The following GPATCH2L variants were observed in gnomAD, a reference collection of about 807,000 sequenced individuals.
GPATCH2L encodes the protein G-patch domain containing 2 like.
Under a neutral mutation model 57.4 loss-of-function variants are expected in GPATCH2L, and 31 were observed. The observed-to-expected ratio is 0.54, with a 90% confidence interval of 0.41 to 0.73. The LOEUF is 0.73. Ranked by LOEUF, GPATCH2L falls within the 30% of genes least tolerant of loss-of-function variation. The probability of loss-of-function intolerance (pLI) is 0.00; values close to 1 mark genes in which losing one functional copy is unlikely to be tolerated. For synonymous variants in GPATCH2L, 199 were observed against 210.7 expected, an observed-to-expected ratio of 0.94 and a Z score of 0.48; for missense variants, 481 against 599.9, an observed-to-expected ratio of 0.80 and a Z score of 2.07.
intron 9 of GPATCH2L, chr14:76,196,689 G>C (rs983890521): frequency 1.3e-5 from 2 of 152,024 alleles, no homozygotes; most frequent in Admixed American, 1.3e-4. Flanking sequence ...GGAGAGTTAT[G>C]TATTTATTAA....
At chr14:76,163,623 C>A (rs2038698680) in intron 2 of GPATCH2L, among the ~76,000 whole-genome samples, 1 of 152,196 alleles carries the variant, frequency 6.6e-6, no homozygotes, top group Non-Finnish European at 1.5e-5. Flanking sequence ...TATTTAGACA[C>A]AGACTTGGTA....
intron 2 of GPATCH2L, among the ~76,000 whole-genome samples, chr14:76,158,547 CT>C (rs1306459336): frequency 2.6e-5 from 4 of 152,292 alleles, no homozygotes; most frequent in African/African-American, 7.2e-5. Context: ...ATCAATAACA[CT>C]CTATAGCAGT....
intron 9 of GPATCH2L, 45 bp from the exon 10 acceptor site, chr14:76,201,646 T>C (rs766146783): frequency 6.9e-7 from 1 of 1,445,180 alleles, no homozygotes; most frequent in Non-Finnish European, 9.3e-7. Flanking sequence ...TATTCTAATT[T>C]ATCTCCCCTT....
In GPATCH2L at chr14:76,171,919, G is replaced by T; in HGVS notation, c.804G>T (p.Lys268Asn). Reference protein sequence around the residue: ...PGFTVPNLLPKWAPDHCSEVE... With the variant: ...PGFTVPNLLPNWAPDHCSEVE... ...TCACTGTCCCTAATCTTCTGCCCAA[G>T]TGGGCTCCTGATCATTGTTCTGAAG... The change falls in exon 4 of 10, where the codon AAG becomes AAT. Residue 268 changes from lysine to asparagine, a missense_variant. Lys to Asn is a moderately conservative substitution (Grantham distance 94). Transcript: ENST00000261530. The T allele has an allele frequency of 1.2e-6, 2 of 1,607,698 alleles. No individual in the cohort carries two copies. Among genetic ancestry groups the T allele is most frequent in the Non-Finnish European group, 1.7e-6 (2 of 1,174,528 alleles).
chr14:76,177,369 T>C (rs2039372949), intron 6 of GPATCH2L, among the ~76,000 whole-genome samples: 1 of 152,060 alleles, frequency 6.6e-6, no homozygotes, highest in South Asian at 2.1e-4. Context: ...TTTGTTCTAA[T>C]TACTGTGGTG....
intron 6 of GPATCH2L, among the ~76,000 whole-genome samples, chr14:76,177,379 G>A (rs1483262450): frequency 6.6e-6 from 1 of 151,972 alleles, no homozygotes; most frequent in Non-Finnish European, 1.5e-5. Context: ...TTACTGTGGT[G>A]AGTGCTGTAG....
intron 9 of GPATCH2L, among the ~76,000 whole-genome samples, chr14:76,201,015 G>T (rs930901460): frequency 2.6e-5 from 4 of 152,238 alleles, no homozygotes; most frequent in Admixed American, 1.3e-4. Flanking sequence ...GATCCAGATC[G>T]GTAAGTGTTC....
At position 76,195,913 on chromosome 14, in the gene GPATCH2L, G is replaced by C; in HGVS notation, c.1229G>C (p.Arg410Pro). 1 of 1,613,784 alleles carries C rather than the reference G, an allele frequency of 6.2e-7. No homozygotes were observed. The highest frequency in any genetic ancestry group is 2.2e-5 in the East Asian group (1 of 44,876). Residue 410 changes from arginine to proline, a missense_variant, in exon 9 of 10, where the codon CGT becomes CCT. This residue lies in a region of GPATCH2L where 248 missense variants were observed against 270.5 expected (regional missense o/e 0.92). Transcript: ENST00000261530. ...ANVHWGPPCS[R>P]DIKRKRKPVA... ...GTACACTGGGGACCACCATGTTCAC[G>C]TGACATCAAGAGGAAGCGGAAACCA...
At chr14:76,161,984 C>T (rs964673697) in intron 2 of GPATCH2L, among the ~76,000 whole-genome samples, 3 of 152,024 alleles carry the variant, frequency 2.0e-5, no homozygotes, top group Non-Finnish European at 4.4e-5. Flanking sequence ...TGCAGTGAGC[C>T]GAGATCGCGT....
At chr14:76,200,908 G>T (rs1395881606) in intron 9 of GPATCH2L, among the ~76,000 whole-genome samples, 1 of 152,158 alleles carries the variant, frequency 6.6e-6, no homozygotes, top group African/African-American at 2.4e-5. Context: ...AGAGATGATG[G>T]TGGTTTGTGC....
intron 8 of GPATCH2L, among the ~76,000 whole-genome samples, chr14:76,190,675 C>A (rs2039932436): frequency 6.6e-6 from 1 of 152,044 alleles, no homozygotes; most frequent in Non-Finnish European, 1.5e-5. Context: ...ATACTTAGAT[C>A]TCTATTATTG....
At position 76,201,681 on chromosome 14, in the gene GPATCH2L, A is replaced by T. The variant is rs770653986; in HGVS notation, c.1289-10A>T. 6.3e-7 allele frequency: 1 copy of T among 1,598,390 alleles called. No homozygotes were observed. The highest frequency in any genetic ancestry group is 8.5e-7 in the Non-Finnish European group (1 of 1,173,314). On this transcript the variant is annotated splice_polypyrimidine_tract_variant and intron_variant, in intron 9 of 9. Coordinates refer to ENST00000261530, the MANE Select transcript of GPATCH2L (RefSeq NM_017926.4). ...TGATGTTTTGCTCCTCTCTGTTGTA[A>T]CCTTACTAGTTCACATGGATGCAGT...
chr14:76,158,204 T>G (rs8020977), intron 2 of GPATCH2L, among the ~76,000 whole-genome samples: 64,343 of 151,980 alleles, frequency 0.42, 15,929 homozygotes, highest in East Asian at 0.61. Context: ...GGTGATGTAT[T>G]AGAGGCTGAT....
intron 1 of GPATCH2L, chr14:76,153,687 T>C (rs2038160732): frequency 1.3e-5 from 2 of 152,224 alleles, no homozygotes; most frequent in Admixed American, 6.5e-5. Context: ...CAGGTGGTAG[T>C]TGGTACCAGA....
chr14:76,188,305 A>G (rs767125392), intron 8 of GPATCH2L, among the ~76,000 whole-genome samples: 5 of 152,130 alleles, frequency 3.3e-5, no homozygotes, highest in Non-Finnish European at 7.4e-5. Flanking sequence ...ACTATTCTGC[A>G]TAGTGGTTGT....
At position 76,171,914 on chromosome 14, in the gene GPATCH2L, C is replaced by A; in HGVS notation, c.799C>A (p.Pro267Thr). 1 of 1,608,084 alleles carries A rather than the reference C, an allele frequency of 6.2e-7. No individual in the cohort carries two copies. Among genetic ancestry groups the A allele is most frequent in the Non-Finnish European group, 8.5e-7 (1 of 1,175,000 alleles). The stretch of plus-strand genomic sequence containing the variant: ...AGGATTCACTGTCCCTAATCTTCTG[C>A]CCAAGTGGGCTCCTGATCATTGTTC... ...VPGFTVPNLL[P>T]KWAPDHCSEV... The change falls in exon 4 of 10, where the codon CCC (proline) becomes ACC (threonine). Residue 267 changes from proline (P) to threonine (T), a missense_variant. This residue lies in a region of GPATCH2L where 248 missense variants were observed against 270.5 expected (regional missense o/e 0.92). Coordinates refer to ENST00000261530, the MANE Select transcript of GPATCH2L (RefSeq NM_017926.4).
At chr14:76,200,928 CAG>C (rs951935069) in intron 9 of GPATCH2L, among the ~76,000 whole-genome samples, 2 of 152,130 alleles carry the variant, frequency 1.3e-5, no homozygotes, top group African/African-American at 4.8e-5. Flanking sequence ...CCACTCCACT[CAG>C]GGGCATTTGG....
intron 7 of GPATCH2L, chr14:76,179,103 A>T (rs1231508722): frequency 6.6e-6 from 1 of 150,432 alleles, no homozygotes; most frequent in Non-Finnish European, 1.5e-5. Flanking sequence ...CTGAGTTGAT[A>T]TACACGATCC....
At chr14:76,217,764 A>C (rs939453576), downstream of GPATCH2L, among the ~76,000 whole-genome samples, 1 of 152,196 alleles carries the variant, frequency 6.6e-6, no homozygotes, top group African/African-American at 2.4e-5. Flanking sequence ...ATGAGCAGAC[A>C]GTTGACAGAA....
Sources: gnomAD v4.1 joint callset for allele counts (sites outside exome capture counted in the v4.1 genomes callset) on GRCh38, gnomAD v4.1.1 for gene constraint, gnomAD v4.1.1 regional missense constraint, MANE v1.5 for transcripts, NCBI Gene and HGNC (gene_info 2026-07-23, HGNC 2026-07-21) for gene names.